Variants in POLE2 observed in about 807,000 individuals in gnomAD.
POLE2 encodes the protein DNA polymerase epsilon 2, accessory subunit, also known as DNA polymerase epsilon subunit 2.
In POLE2, 56 loss-of-function variants were observed where a neutral mutation model predicts 79.4. The ratio of observed to expected loss-of-function variants is 0.71; its 90% CI spans 0.57 to 0.88. The LOEUF is 0.88. Among genes scored for constraint, POLE2 ranks in the 40% least tolerant of loss-of-function variants. The probability of loss-of-function intolerance (pLI) is 0.00; values close to 1 mark genes in which losing one functional copy is unlikely to be tolerated. For synonymous variants in POLE2, 212 were observed against 214.0 expected (o/e 0.99, Z 0.08); for missense variants, 598 against 638.9 (o/e 0.94, Z 0.69).
intron 6 of POLE2, among the ~76,000 whole-genome samples, chr14:49,669,225 G>A (rs534885949): frequency 1.3e-5 from 2 of 152,272 alleles, no homozygotes; most frequent in African/African-American, 4.8e-5. Context: ...ATGTTGAAAA[G>A]TTATCAGAAA....
At chr14:49,677,026 T>C (rs957593902) in intron 3 of POLE2, among the ~76,000 whole-genome samples, 9 of 152,234 alleles carry the variant, frequency 5.9e-5, no homozygotes, top group South Asian at 2.1e-4. Flanking sequence ...AATGTCATCA[T>C]TGACAATAGC....
chr14:49,657,601 C>A (rs1211278282), intron 10 of POLE2, among the ~76,000 whole-genome samples: 1 of 152,020 alleles, frequency 6.6e-6, no homozygotes, highest in Non-Finnish European at 1.5e-5. Context: ...CCACCGCATC[C>A]AGCCAATTTT....
chr14:49,664,619 G>C lies in POLE2; in HGVS notation c.682+7C>G, dbSNP rs755340883. ...AAGAAGGACAGTAACAAAGTATACT[G>C]ACTTACCTTCTGCTAAGACAAAGCA... On this transcript the variant is annotated splice_region_variant and intron_variant, in intron 9 of 18. Coordinates refer to ENST00000216367, the MANE Select transcript of POLE2 (RefSeq NM_002692.4). 4 of 1,559,618 alleles carry C rather than the reference G, an allele frequency of 2.6e-6. No individual in the cohort carries two copies. The highest frequency in any genetic ancestry group is 1.7e-5 in the Admixed American group (1 of 59,840).
intron 3 of POLE2, chr14:49,679,522 C>A (rs1408422003): frequency 9.9e-6 from 5 of 505,856 alleles, no homozygotes; most frequent in South Asian, 3.2e-5. Flanking sequence ...ACACTGTAAC[C>A]TCAAATCCCA....
chr14:49,648,606 G>T (rs926399520), intron 17 of POLE2, among the ~76,000 whole-genome samples: 2 of 152,128 alleles, frequency 1.3e-5, no homozygotes, highest in African/African-American at 4.8e-5. Context: ...GTCCCTCAGG[G>T]GGACATTTGG....
intron 18 of POLE2, 125 bp from the exon 19 acceptor site, chr14:49,643,795 T>C (rs1883562004): frequency 2.3e-6 from 1 of 432,484 alleles, no homozygotes; most frequent in South Asian, 5.5e-5. Flanking sequence ...ACATACATAC[T>C]GTTTCAAATT....
At chr14:49,664,177 C>T (rs967545137) in intron 9 of POLE2, among the ~76,000 whole-genome samples, 76 of 151,876 alleles carry the variant, frequency 5.0e-4, no homozygotes, top group Non-Finnish European at 1.3e-4. Flanking sequence ...GGTGAAACCC[C>T]GTCTCTACTA....
intron 17 of POLE2, among the ~76,000 whole-genome samples, chr14:49,649,621 T>G (rs2139607120): frequency 6.6e-6 from 1 of 151,934 alleles, no homozygotes; most frequent in Non-Finnish European, 1.5e-5. Context: ...AGCTAATTAT[T>G]GTAATTTTTA....
chr14:49,684,925 G>A lies in POLE2; in HGVS notation c.69-1232C>T, dbSNP rs537454401. 1.7e-4 allele frequency among the ~76,000 whole-genome samples: 26 copies of A among 151,508 alleles called. 1 individual carries two copies. Among genetic ancestry groups the A allele is most frequent in the South Asian group, 6.3e-4 (3 of 4,788 alleles). On this transcript the variant is annotated intron_variant, in intron 1 of 18. Transcript: ENST00000216367. ...CTGAGAGGCGGAGCTTGCAGTGAGC[G>A]GAGATCGGGCCACTACACTCCAGCC...
intron 2 of POLE2, 38 bp from the exon 3 acceptor site, chr14:49,679,838 A>C (rs374868500): frequency 1.7e-6 from 2 of 1,154,410 alleles, no homozygotes; most frequent in African/African-American, 3.1e-5. Context: ...TTAAAAACAA[A>C]AAAAAAAATA....
At chr14:49,665,636 A>C (rs2064104735) in intron 7 of POLE2, among the ~76,000 whole-genome samples, 1 of 151,850 alleles carries the variant, frequency 6.6e-6, no homozygotes, top group Non-Finnish European at 1.5e-5. Context: ...ACAGATGAAA[A>C]AGACACTTGG....
Position 49,679,803 on chromosome 14 carries a change from GA to G in POLE2, c.170-4del. On this transcript the variant is annotated splice_region_variant and splice_polypyrimidine_tract_variant and intron_variant, in intron 2 of 18. Coordinates refer to ENST00000216367, the MANE Select transcript of POLE2 (RefSeq NM_002692.4). ...TCGTTCAATCATGTTTGATGACACT[GA>G]AAAGAGAATTTCAAAGTCAAAATTT... 1 of 1,546,948 alleles carries G rather than the reference GA, an allele frequency of 6.5e-7. No homozygotes were observed. Among genetic ancestry groups the G allele is most frequent in the Non-Finnish European group, 8.9e-7 (1 of 1,128,116 alleles).
chr14:49,668,558 A>T (rs12894360), intron 6 of POLE2, among the ~76,000 whole-genome samples: 23,050 of 152,208 alleles, frequency 0.15, 1,846 homozygotes, highest in Non-Finnish European at 0.19. Context: ...TTATACAGGT[A>T]GATAAATGTA....
intron 8 of POLE2, 104 bp from the exon 9 acceptor site, chr14:49,664,778 C>T (rs1947059224): frequency 1.3e-6 from 1 of 759,796 alleles, no homozygotes; most frequent in South Asian, 1.6e-5. Context: ...TAAAGACTTC[C>T]CATTTGAAAC....
rs1883548703 is a variant in POLE2 at position 49,643,603 on chromosome 14, G to C, written c.*49C>G. 1 of 987,118 alleles carries C rather than the reference G, an allele frequency of 1.0e-6. No homozygotes were observed. Among genetic ancestry groups the C allele is most frequent in the African/African-American group, 1.7e-5 (1 of 59,366 alleles). 61.1% of individuals were successfully genotyped at this position (987,118 alleles called of 1,614,324 possible). A position where few individuals can be genotyped will look rare whatever the true frequency, so the allele number is the denominator to read the frequency against. ...TAATATCAGAATCACATAAGATATA[G>C]AGTTAAGCAGAAAACTGATGAATTT... is the stretch of plus-strand genomic sequence containing the variant. On this transcript the variant is annotated 3_prime_UTR_variant, in exon 19 of 19. Transcript: ENST00000216367.
At chr14:49,669,965 C>T (rs1000608129) in intron 5 of POLE2, among the ~76,000 whole-genome samples, 8 of 152,036 alleles carry the variant, frequency 5.3e-5, no homozygotes, top group Non-Finnish European at 1.0e-4. Flanking sequence ...GGCCACTGAA[C>T]AACAGCCCAG....
chr14:49,671,251 C>G (rs1238510939), intron 5 of POLE2, among the ~76,000 whole-genome samples: 1 of 152,140 alleles, frequency 6.6e-6, no homozygotes, highest in Non-Finnish European at 1.5e-5. Flanking sequence ...AGATAAACAA[C>G]GAATCCACAG....
chr14:49,668,659 A>T lies in POLE2; in HGVS notation c.492+865T>A, dbSNP rs541261151. ...GTTAAGCCTTAAAATTACTTTGTCAAAGAGGAGAAAAGGGAAAAGGCTCCT... is the reference window on the plus strand; with the variant it reads ...GTTAAGCCTTAAAATTACTTTGTCATAGAGGAGAAAAGGGAAAAGGCTCCT... On this transcript the variant is annotated intron_variant, in intron 6 of 18. Coordinates refer to ENST00000216367, the MANE Select transcript of POLE2 (RefSeq NM_002692.4). Among the ~76,000 whole-genome samples the T allele has an allele frequency of 2.0e-5, 3 of 152,334 alleles. No individual in the cohort carries two copies. In the South Asian group the frequency reaches 6.2e-4, roughly 32 times the overall value.
In POLE2 at chr14:49,687,303, CACACA is replaced by C. The variant is rs1566579234; in HGVS notation, c.68+828_68+832del. On this transcript the variant is annotated intron_variant, in intron 1 of 18. Coordinates refer to ENST00000216367, the MANE Select transcript of POLE2 (RefSeq NM_002692.4). ...CATATATATATATACACACACACCA[CACACA>C]CACACACACACACACACACACACAC... is the stretch of plus-strand genomic sequence containing the variant. 1.7e-3 allele frequency among the ~76,000 whole-genome samples: 83 copies of C among 49,544 alleles called. No homozygotes were observed. In the East Asian group the frequency reaches 0.025, roughly 15 times the overall value. 32.5% of individuals were successfully genotyped at this position (49,544 alleles called of 152,430 possible). A position where few individuals can be genotyped will look rare whatever the true frequency, so the allele number is the denominator to read the frequency against.
Sources: gnomAD v4.1 joint callset for allele counts (sites outside exome capture counted in the v4.1 genomes callset) on GRCh38, gnomAD v4.1.1 for gene constraint, MANE v1.5 for transcripts, NCBI Gene and HGNC (gene_info 2026-07-23, HGNC 2026-07-21) for gene names.